The following FOCAD variants were observed in gnomAD, a reference collection of about 807,000 sequenced individuals.
FOCAD encodes the protein focadhesin.
A neutral mutation model predicts 225.6 loss-of-function variants in FOCAD; 198 were observed. The ratio of observed to expected loss-of-function variants is 0.88; its 90% CI spans 0.78 to 0.99. FOCAD has a LOEUF of 0.99. Ranked by LOEUF, FOCAD falls within the 50% of genes least tolerant of loss-of-function variation. The probability of loss-of-function intolerance (pLI) is 0.00; values close to 1 mark genes in which losing one functional copy is unlikely to be tolerated. For missense variants in FOCAD, 2,713 were observed against 2,123.6 expected, an observed-to-expected ratio of 1.28 and a Z score of -5.46; for synonymous variants, 897 against 755.0, an observed-to-expected ratio of 1.19 and a Z score of -3.08.
At chr9:20,840,308 A>T (rs567627084) in intron 15 of FOCAD, among the ~76,000 whole-genome samples, 2 of 151,876 alleles carry the variant, frequency 1.3e-5, no homozygotes, top group South Asian at 4.2e-4. Flanking sequence ...ATATCTTTCT[A>T]TTTATTTTTG....
chr9:20,989,966 C>G (rs1227108786), intron 41 of FOCAD, among the ~76,000 whole-genome samples, 157 bp from the exon 42 acceptor site: 1 of 152,160 alleles, frequency 6.6e-6, no homozygotes, highest in African/African-American at 2.4e-5. Context: ...GTTTACTGTT[C>G]AGTTCAGTTC....
chr9:20,868,194 A>G (rs780450606), intron 18 of FOCAD, among the ~76,000 whole-genome samples: 1 of 152,170 alleles, frequency 6.6e-6, no homozygotes, highest in Non-Finnish European at 1.5e-5. Context: ...GAAAAAAGCT[A>G]CATGTAAATT....
intron 20 of FOCAD, among the ~76,000 whole-genome samples, chr9:20,882,958 C>T (rs1587497112): frequency 1.3e-5 from 2 of 152,058 alleles, no homozygotes; most frequent in African/African-American, 4.8e-5. Context: ...AAGGAGTGAA[C>T]CAGAGCTGGA....
chr9:20,740,184 T>C (rs1240278088), intron 4 of FOCAD, 52 bp from the exon 5 acceptor site: 1 of 1,162,612 alleles, frequency 8.6e-7, no homozygotes, highest in African/African-American at 1.5e-5. Flanking sequence ...AGCACCTGAT[T>C]AGAATATTCA....
chr9:20,785,251 A>T (rs1464680828), intron 10 of FOCAD, among the ~76,000 whole-genome samples: 1 of 152,180 alleles, frequency 6.6e-6, no homozygotes, highest in African/African-American at 2.4e-5. Context: ...TGTAATTCAC[A>T]TGCGCCCTTC....
At chr9:20,673,447 A>G (rs1421853508) in intron 2 of FOCAD, among the ~76,000 whole-genome samples, 1 of 152,042 alleles carries the variant, frequency 6.6e-6, no homozygotes. Flanking sequence ...TTTTTATTAT[A>G]ACTATCCTGG....
intron 15 of FOCAD, among the ~76,000 whole-genome samples, chr9:20,838,342 T>C (rs758550079): frequency 2.6e-4 from 39 of 152,082 alleles, no homozygotes; most frequent in Non-Finnish European, 5.4e-4. Context: ...TGGTGGAATG[T>C]ATTATGCCTT....
chr9:20,875,833 T>C (rs1053000796), intron 19 of FOCAD: 1 of 152,172 alleles, frequency 6.6e-6, no homozygotes, highest in Non-Finnish European at 1.5e-5. Flanking sequence ...TCAAGTGATT[T>C]ATTGTGATTA....
intron 23 of FOCAD, among the ~76,000 whole-genome samples, chr9:20,913,528 C>G (rs1282267996): frequency 6.6e-6 from 1 of 152,160 alleles, no homozygotes; most frequent in South Asian, 2.1e-4. Flanking sequence ...TTGTGTTTCA[C>G]CAGCCTAAAT....
intron 21 of FOCAD, among the ~76,000 whole-genome samples, chr9:20,891,484 T>C (rs1383873675): frequency 6.6e-6 from 1 of 152,190 alleles, no homozygotes; most frequent in East Asian, 1.9e-4. Context: ...AGTGAACACA[T>C]GAGTGATAAG....
In FOCAD at chr9:20,902,773, C is replaced by G. The variant is rs183400501; in HGVS notation, c.2626-4377C>G. ...ATTGAGTCTCAAGGCAAGGGAGATTCCCAAGATAAATCAGAAATTTCAAAC... is the reference window on the plus strand; with the variant it reads ...ATTGAGTCTCAAGGCAAGGGAGATTGCCAAGATAAATCAGAAATTTCAAAC... On this transcript the variant is annotated intron_variant, in intron 21 of 43. Transcript: ENST00000338382. Among the ~76,000 whole-genome samples the G allele has an allele frequency of 7.2e-4, 110 of 151,750 alleles. 1 individual carries two copies. The East Asian group carries it at 0.02, about 28-fold the overall frequency.
intron 4 of FOCAD, among the ~76,000 whole-genome samples, chr9:20,721,559 G>A (rs1825767326): frequency 6.6e-6 from 1 of 151,994 alleles, no homozygotes. Context: ...AAAATTAGCT[G>A]GGCGTGGTGA....
intron 5 of FOCAD, among the ~76,000 whole-genome samples, chr9:20,744,770 C>T (rs952196084): frequency 1.8e-4 from 28 of 152,160 alleles, no homozygotes; most frequent in African/African-American, 4.8e-4. Context: ...TGTTGCCACA[C>T]GTTCAGATCT....
chr9:20,965,995 T>C (rs898492515), intron 35 of FOCAD, among the ~76,000 whole-genome samples: 1 of 152,208 alleles, frequency 6.6e-6, no homozygotes, highest in African/African-American at 2.4e-5. Context: ...TGAATATTTG[T>C]GTACAAGTTT....
intron 19 of FOCAD, among the ~76,000 whole-genome samples, chr9:20,877,661 T>C (rs887541592): frequency 2.0e-5 from 3 of 152,182 alleles, no homozygotes; most frequent in African/African-American, 7.2e-5. Flanking sequence ...AATACTCTGA[T>C]GCACAACTGA....
chr9:20,664,203 AC>A (rs1821828363), intron 2 of FOCAD, among the ~76,000 whole-genome samples: 1 of 151,446 alleles, frequency 6.6e-6, no homozygotes, highest in Non-Finnish European at 1.5e-5. Context: ...ATATTTCTAG[AC>A]CCATATATAA....
At chr9:20,756,196 T>G (rs1829030567) in intron 5 of FOCAD, among the ~76,000 whole-genome samples, 2 of 152,158 alleles carry the variant, frequency 1.3e-5, no homozygotes. Flanking sequence ...GAGTGATCCC[T>G]TAGCAATGGT....
intron 8 of FOCAD, among the ~76,000 whole-genome samples, chr9:20,772,897 G>GAT (rs1251444534): frequency 6.6e-6 from 1 of 151,036 alleles, no homozygotes. Context: ...ATGTGTAGTA[G>GAT]ATATATATAT....
chr9:20,661,393 A>G lies in FOCAD; in HGVS notation c.-78+2567A>G, dbSNP rs12342305. Among the ~76,000 whole-genome samples the G allele has an allele frequency of 9.4e-3, 1,434 of 152,238 alleles. 42 individuals carry two copies. Among genetic ancestry groups the G allele is most frequent in the African/African-American group, 0.033 (1,362 of 41,524 alleles). On this transcript the variant is annotated intron_variant, in intron 2 of 45. Coordinates refer to the FOCAD transcript ENST00000380249. ...ACATGTATTATAAGATTGTCTCAAG[A>G]CTGGGTTTTGCAGCAGGCTGTGATA...
Sources: gnomAD v4.1 joint callset for allele counts (sites outside exome capture counted in the v4.1 genomes callset) on GRCh38, gnomAD v4.1.1 for gene constraint, MANE v1.5 for transcripts, NCBI Gene and HGNC (gene_info 2026-07-23, HGNC 2026-07-21) for gene names.